The following LRRC61 variants were observed in gnomAD, a reference collection of about 807,000 sequenced individuals.
LRRC61 encodes leucine rich repeat containing 61.
In LRRC61, 9 loss-of-function variants were observed where a neutral mutation model predicts 15.1. The observed-to-expected ratio is 0.60, with a 90% CI of 0.36 to 1.04. The LOEUF is 1.04. Ranked by LOEUF, LRRC61 falls within the 50% of genes least tolerant of loss-of-function variation. The probability of loss-of-function intolerance (pLI) is 0.01; values close to 1 mark genes in which losing one functional copy is unlikely to be tolerated. For synonymous variants in LRRC61, 173 were observed against 158.6 expected (o/e 1.09, Z -0.68); for missense variants, 344 against 335.6 (o/e 1.03, Z -0.20).
At chr7:150,336,158 A>G (rs1035961105) in intron 2 of LRRC61, among the ~76,000 whole-genome samples, 4 of 152,238 alleles carry the variant, frequency 2.6e-5, no homozygotes, top group African/African-American at 7.2e-5. Context: ...CTTATGCTCT[A>G]CAGCTCCAAC....
chr7:150,317,105 G>A, the LRRC61 span, among the ~76,000 whole-genome samples: 1 of 151,288 alleles, frequency 6.6e-6, no homozygotes, highest in Non-Finnish European at 1.5e-5. Flanking sequence ...CTTCTGTTGT[G>A]CAATGGCGTG....
Position 150,336,835 on chromosome 7 carries a change from C to T in LRRC61, c.-27C>T, listed in dbSNP as rs750916087. 27 of 1,579,458 alleles carry T rather than the reference C, an allele frequency of 1.7e-5. No homozygotes were observed. The highest frequency in any genetic ancestry group is 2.3e-5 in the Non-Finnish European group (27 of 1,161,242). On this transcript the variant is annotated 5_prime_UTR_variant, in exon 3 of 3. Coordinates refer to ENST00000359623, the MANE Select transcript of LRRC61 (RefSeq NM_001142928.2). ...ACCCTGTGACAGTCCTGCCAGGGCC[C>T]AGGCCATCCCAACCGACTTCCATCT... is the stretch of plus-strand genomic sequence containing the variant.
intron 2 of LRRC61, among the ~76,000 whole-genome samples, chr7:150,336,221 G>A (rs924533616): frequency 6.6e-6 from 1 of 152,202 alleles, no homozygotes; most frequent in East Asian, 1.9e-4. Flanking sequence ...ATTCATTGCT[G>A]TTAGAAAGAA....
upstream of LRRC61, among the ~76,000 whole-genome samples, chr7:150,321,747 TA>T (rs891909821): frequency 6.6e-6 from 1 of 151,828 alleles, no homozygotes; most frequent in Non-Finnish European, 1.5e-5. Flanking sequence ...CTCAAAAAAA[TA>T]AAAATAAAAA....
rs369447873 is a variant in LRRC61, at chr7:150,330,522, G to A, written c.-145+4512G>A. The A allele has an allele frequency of 3.0e-5, 23 of 778,536 alleles. No homozygotes were observed. The highest frequency in any genetic ancestry group is 4.1e-5 in the Non-Finnish European group (17 of 416,950). 48.2% of individuals were successfully genotyped at this position (778,536 alleles called of 1,614,324 possible). ...CACACACTTTCAGGAGCAGAGTGTC[G>A]GGGAGAGGGGCGCAGCCATCCAGCT... On this transcript the variant is annotated intron_variant, in intron 2 of 2. Coordinates refer to ENST00000359623, the MANE Select transcript of LRRC61 (RefSeq NM_001142928.2). The surrounding 1 kb of genome is among the most constrained non-coding windows in gnomAD (Gnocchi z 4.6).
chr7:150,332,051 C>G (rs1798124266), intron 2 of LRRC61: 1 of 167,090 alleles, frequency 6.0e-6, no homozygotes, highest in African/African-American at 2.4e-5. Context: ...ACAGCAGCCT[C>G]AGTAGCTTTC....
chr7:150,326,251 G>T (rs1797961095), intron 2 of LRRC61, among the ~76,000 whole-genome samples: 1 of 152,214 alleles, frequency 6.6e-6, no homozygotes, highest in South Asian at 2.1e-4. Flanking sequence ...GCTCATAGTA[G>T]ACATTTGATG....
rs3735174 is a variant in LRRC61 at position 150,323,400 on chromosome 7, T to C, written c.-475T>C. On this transcript the variant is annotated 5_prime_UTR_variant, in exon 1 of 3. Transcript: ENST00000359623. ...GGGAGAAGCACGCTGGCCAACAAGTTGGGTGGTGGGCACGCGGCCCAGGGG... is the reference window on the plus strand; with the variant it reads ...GGGAGAAGCACGCTGGCCAACAAGTCGGGTGGTGGGCACGCGGCCCAGGGG... The C allele has an allele frequency of 0.29, 86,200 of 301,238 alleles. 12,772 individuals carry two copies. The highest frequency in any genetic ancestry group is 0.43 in the East Asian group (2,854 of 6,628). 18.7% of individuals were successfully genotyped at this position (301,238 alleles called of 1,614,324 possible).
rs1441296614 is a variant in LRRC61, at chr7:150,338,072, GCTC to G, written c.*434_*436del. ...CCTTGCAAATGTGCCTCTCCAGACTGCTCCTGCACTTACCCCCTCCCCGCAGCA... is the reference window on the plus strand; with the variant it reads ...CCTTGCAAATGTGCCTCTCCAGACTGCTGCACTTACCCCCTCCCCGCAGCA... On this transcript the variant is annotated 3_prime_UTR_variant, in exon 3 of 3. Coordinates refer to ENST00000359623, the MANE Select transcript of LRRC61 (RefSeq NM_001142928.2). 25 of 453,820 alleles carry G rather than the reference GCTC, an allele frequency of 5.5e-5. No individual in the cohort carries two copies. Among genetic ancestry groups the G allele is most frequent in the African/African-American group, 4.7e-4 (23 of 48,986 alleles). The allele number at this position is 453,820 out of a possible 1,614,324, so 28.1% of individuals were successfully genotyped here. A position where few individuals can be genotyped will look rare whatever the true frequency, so the allele number is the denominator to read the frequency against.
Position 150,333,047 on chromosome 7 carries a change from G to A in LRRC61, c.-144-3671G>A, listed in dbSNP as rs1009347476. 6.6e-6 allele frequency among the ~76,000 whole-genome samples: 1 copy of A among 152,216 alleles called. No homozygotes were observed. The highest frequency in any genetic ancestry group is 2.4e-5 in the African/African-American group (1 of 41,442). ...CGTGCGTGACTGTGCTTCCATCCTT[G>A]AGCAGTTGGAACTGTTCTTGGAAGT... On this transcript the variant is annotated intron_variant, in intron 2 of 2. Coordinates refer to ENST00000359623, the MANE Select transcript of LRRC61 (RefSeq NM_001142928.2). The surrounding 1 kb of genome is among the most constrained non-coding windows in gnomAD (Gnocchi z 4.3).
chr7:150,329,338 A>C (rs1798034703), intron 2 of LRRC61, among the ~76,000 whole-genome samples: 1 of 152,262 alleles, frequency 6.6e-6, no homozygotes, highest in Admixed American at 6.5e-5. Flanking sequence ...GCTAAGATGC[A>C]CGGACGTATC....
Position 150,323,474 on chromosome 7 carries a change from G to C in LRRC61, c.-401G>C, listed in dbSNP as rs566237395. The C allele has an allele frequency of 1.1e-3, 431 of 407,484 alleles. 1 individual carries two copies. Among genetic ancestry groups the C allele is most frequent in the African/African-American group, 8.9e-3 (403 of 45,222 alleles). The allele number at this position is 407,484 out of a possible 1,614,324, so 25.2% of individuals were successfully genotyped here. ...GGCGGGGCTGCGGCTCTTACCTGCC[G>C]AGGAGGCGCCGGCTCTGCGGTGCGG... On this transcript the variant is annotated 5_prime_UTR_variant, in exon 1 of 3. Coordinates refer to ENST00000359623, the MANE Select transcript of LRRC61 (RefSeq NM_001142928.2).
chr7:150,313,974 C>G, the LRRC61 span, among the ~76,000 whole-genome samples: 1 of 152,170 alleles, frequency 6.6e-6, no homozygotes, highest in African/African-American at 2.4e-5. Context: ...ATGAACAACT[C>G]GAGGCAGAGG....
chr7:150,321,967 T>C (rs369123147), upstream of LRRC61, among the ~76,000 whole-genome samples: 7 of 152,224 alleles, frequency 4.6e-5, no homozygotes, highest in Admixed American at 2.6e-4. Flanking sequence ...TATGTCCAAC[T>C]GAGGAGGTGG....
At chr7:150,318,655 G>A (rs945575878), upstream of LRRC61, among the ~76,000 whole-genome samples, 18 of 152,178 alleles carry the variant, frequency 1.2e-4, no homozygotes, top group East Asian at 9.7e-4. Context: ...CCAGTTACTC[G>A]GGAGGCTGAG....
In LRRC61 at chr7:150,330,513, CAG is replaced by C. The variant is rs756948650; in HGVS notation, c.-145+4506_-145+4507del. The C allele has an allele frequency of 1.8e-5, 14 of 779,738 alleles. No homozygotes were observed. In the East Asian group the frequency reaches 3.4e-4, roughly 19 times the overall value. 48.3% of individuals were successfully genotyped at this position (779,738 alleles called of 1,614,324 possible). On this transcript the variant is annotated intron_variant, in intron 2 of 2. Transcript: ENST00000359623. The surrounding 1 kb of genome is among the most constrained non-coding windows in gnomAD (Gnocchi z 4.6). ...GCAGGTTCACACACACTTTCAGGAGCAGAGTGTCGGGGAGAGGGGCGCAGCCA... is the reference window on the plus strand; with the variant it reads ...GCAGGTTCACACACACTTTCAGGAGCAGTGTCGGGGAGAGGGGCGCAGCCA...
chr7:150,322,518 C>A (rs1797635897), upstream of LRRC61: 1 of 152,258 alleles, frequency 6.6e-6, no homozygotes, highest in African/African-American at 2.4e-5. Flanking sequence ...TTACAGACGC[C>A]ATGACACCAT....
Position 150,325,924 on chromosome 7 carries a change from T to C in LRRC61, c.-231T>C, listed in dbSNP as rs1484460183. On this transcript the variant is annotated 5_prime_UTR_variant, in exon 2 of 3. Transcript: ENST00000359623. ...ACTTCTGTGGAAGAGAACATGGTGGTGTCACTGTTGTACCAGTGATGACAC... is the reference window on the plus strand; with the variant it reads ...ACTTCTGTGGAAGAGAACATGGTGGCGTCACTGTTGTACCAGTGATGACAC... 6.6e-6 allele frequency: 1 copy of C among 152,654 alleles called. No individual in the cohort carries two copies. Among genetic ancestry groups the C allele is most frequent in the East Asian group, 1.9e-4 (1 of 5,192 alleles). The allele number at this position is 152,654 out of a possible 1,614,324, so 9.5% of individuals were successfully genotyped here. A position where few individuals can be genotyped will look rare whatever the true frequency, so the allele number is the denominator to read the frequency against.
At chr7:150,327,806 C>G (rs1000597614) in intron 2 of LRRC61, among the ~76,000 whole-genome samples, 2 of 121,006 alleles carry the variant, frequency 1.7e-5, no homozygotes, top group Non-Finnish European at 3.3e-5. Flanking sequence ...GGCGACAGAG[C>G]AAGACCTTGT....
Sources: allele counts gnomAD v4.1 joint callset (sites outside exome capture counted in the v4.1 genomes callset), GRCh38; gene constraint gnomAD v4.1.1; non-coding constraint Gnocchi (gnomAD v3.1); transcripts MANE v1.5; gene names NCBI Gene and HGNC (gene_info 2026-07-23, HGNC 2026-07-21).